The following BDP1 variants were observed in gnomAD, a reference collection of about 807,000 sequenced individuals.
The protein encoded by BDP1 is transcription factor TFIIIB component B'' homolog.
Under a neutral mutation model 266.6 loss-of-function variants are expected in BDP1, and 169 were observed. That is an observed-to-expected ratio of 0.63 (90% CI 0.56 to 0.72). The LOEUF is 0.72. Ranked by LOEUF, BDP1 falls within the 30% of genes least tolerant of loss-of-function variation. The pLI, the probability that BDP1 is intolerant of heterozygous loss-of-function variation, is 0.00. For missense variants in BDP1, 3,015 were observed against 3,053.8 expected (o/e 0.99, Z 0.30); for synonymous variants, 1,090 against 1,022.4 (o/e 1.07, Z -1.26).
rs1307806434 is a variant in BDP1 at position 71,532,369 on chromosome 5, C to T, written c.5834C>T (p.Pro1945Leu). 1.2e-6 allele frequency: 2 copies of T among 1,613,174 alleles called. No homozygotes were observed. The highest frequency in any genetic ancestry group is 1.7e-5 in the Admixed American group (1 of 60,014). ...GCIAVVEHEL[P>L]NTDVTTEEMK... ...ATAGCTGTTGTTGAACATGAGCTACCAAACACAGATGTGACTACTGAAGAA... is the reference window on the plus strand; with the variant it reads ...ATAGCTGTTGTTGAACATGAGCTACTAAACACAGATGTGACTACTGAAGAA... The change falls in exon 26 of 39, where the codon CCA (proline) becomes CTA (leucine). Residue 1945 changes from proline (P) to leucine (L), a missense_variant. Around this residue, in one of 3 missense-constraint regions of BDP1, gnomAD observed 2,383 missense variants for 2,404.9 expected, o/e 0.99. Transcript: ENST00000358731.
At chr5:71,576,352 C>A in the BDP1 span, among the ~76,000 whole-genome samples, 1 of 152,122 alleles carries the variant, frequency 6.6e-6, no homozygotes, top group Non-Finnish European at 1.5e-5. Context: ...TTAATTATAC[C>A]GCTCCATTGG....
intron 34 of BDP1, among the ~76,000 whole-genome samples, chr5:71,551,721 G>T (rs1317754562): frequency 6.6e-6 from 1 of 150,514 alleles, no homozygotes; most frequent in Admixed American, 6.6e-5. Context: ...CAGCAGGGGC[G>T]GCCGGGCAGA....
chr5:71,481,391 G>GAAAAAAAAAAAAAAAAAAAAAAAAAAA (rs58798987), intron 7 of BDP1, among the ~76,000 whole-genome samples: 2 of 63,844 alleles, frequency 3.1e-5, no homozygotes, highest in Non-Finnish European at 5.4e-5. Flanking sequence ...TCTCTACAAA[G>GAAAAAAAAAAAAAAAAAAAAAAAAAAA]AAAAAAAAAA....
chr5:71,547,672 C>G (rs1299686751), intron 32 of BDP1, among the ~76,000 whole-genome samples: 1 of 152,166 alleles, frequency 6.6e-6, no homozygotes, highest in African/African-American at 2.4e-5. Flanking sequence ...TTAAGCAGGC[C>G]AGGCGCAGTG....
At chr5:71,576,577 C>T in the BDP1 span, among the ~76,000 whole-genome samples, 9 of 152,174 alleles carry the variant, frequency 5.9e-5, no homozygotes, top group African/African-American at 1.9e-4. Context: ...GTTCCTACCC[C>T]CCTCCATAGA....
At chr5:71,539,406 T>G (rs1766820754) in intron 27 of BDP1, 151 bp from the exon 28 acceptor site, 2 of 622,720 alleles carry the variant, frequency 3.2e-6, no homozygotes, top group Non-Finnish European at 5.5e-6. Context: ...GCATATAACC[T>G]GAACAAAAGA....
At chr5:71,550,436 G>A (rs1218325800) in intron 34 of BDP1, among the ~76,000 whole-genome samples, 7 of 149,572 alleles carry the variant, frequency 4.7e-5, no homozygotes, top group African/African-American at 1.2e-4. Context: ...CTACAGGTGC[G>A]CACCACTGTG....
At chr5:71,575,350 G>A in the BDP1 span, among the ~76,000 whole-genome samples, 1 of 152,178 alleles carries the variant, frequency 6.6e-6, no homozygotes, top group East Asian at 1.9e-4. Context: ...CCATTAGAAT[G>A]GCTCAGTGAC....
rs768397985 is a variant in BDP1, at chr5:71,510,580, T to A, written c.3488T>A (p.Val1163Asp). ...CCAGAGGAAAATGGCCCAGAGGAGG[T>A]CAAGCCTGTAGATGAAATGGAGACA... Reference protein sequence around the residue: ...ISPEENGPEEVKPVDEMETDL... With the variant: ...ISPEENGPEEDKPVDEMETDL... The change falls in exon 17 of 39, where the codon GTC becomes GAC. Residue 1163 changes from valine (V) to aspartate (D), a missense_variant. Coordinates refer to ENST00000358731, the MANE Select transcript of BDP1 (RefSeq NM_018429.3). 1.9e-6 allele frequency: 3 copies of A among 1,611,694 alleles called. No individual in the cohort carries two copies. Among genetic ancestry groups the A allele is most frequent in the Non-Finnish European group, 2.5e-6 (3 of 1,179,340 alleles).
At chr5:71,568,974 T>A (rs1004102056), downstream of BDP1, among the ~76,000 whole-genome samples, 12 of 152,198 alleles carry the variant, frequency 7.9e-5, no homozygotes, top group Admixed American at 7.2e-4. Context: ...AAATGTTGCA[T>A]TTTTTTCATG....
intron 13 of BDP1, among the ~76,000 whole-genome samples, chr5:71,500,359 CTT>C (rs1764160173): frequency 1.5e-5 from 1 of 65,840 alleles, no homozygotes; most frequent in African/African-American, 7.9e-5. Context: ...TAGTTTCACT[CTT>C]GTTGCCCCAG....
chr5:71,544,512 A>AG lies in BDP1; in HGVS notation c.6563+5_6563+6insG, dbSNP rs1390186461. 2 of 1,605,532 alleles carry AG rather than the reference A, an allele frequency of 1.2e-6. No individual in the cohort carries two copies. Among genetic ancestry groups the AG allele is most frequent in the Non-Finnish European group, 1.7e-6 (2 of 1,177,522 alleles). On this transcript the variant is annotated splice_donor_region_variant and intron_variant, in intron 31 of 38. Transcript: ENST00000358731. ...AGAAGTAAACCTAACTGAAAGGTAA[A>AG]AGAGTGAAGAGGTTCTGAGATTCAG...
intron 30 of BDP1, among the ~76,000 whole-genome samples, chr5:71,543,510 A>G (rs989725438): frequency 2.0e-5 from 3 of 152,200 alleles, no homozygotes; most frequent in African/African-American, 7.2e-5. Flanking sequence ...TGAGCTCGCC[A>G]GATCAAGGCT....
At chr5:71,498,874 C>T (rs1411547236) in intron 13 of BDP1, among the ~76,000 whole-genome samples, 1 of 152,030 alleles carries the variant, frequency 6.6e-6, no homozygotes, top group Non-Finnish European at 1.5e-5. Flanking sequence ...CAGGCATGCA[C>T]CACCACGCCC....
At chr5:71,554,766 A>AT (rs35079231) in intron 35 of BDP1, among the ~76,000 whole-genome samples, 67,595 of 151,976 alleles carry the variant, frequency 0.44, 15,438 homozygotes, top group South Asian at 0.55. Flanking sequence ...CATTTTAACA[A>AT]TTTTTTAAAA....
chr5:71,573,506 G>T, the BDP1 span, among the ~76,000 whole-genome samples: 1 of 152,214 alleles, frequency 6.6e-6, no homozygotes, highest in Non-Finnish European at 1.5e-5. Context: ...GGAATTAAAA[G>T]TGAGTGTGGT....
At chr5:71,531,724 G>A (rs182011769) in intron 25 of BDP1, among the ~76,000 whole-genome samples, 2 of 152,194 alleles carry the variant, frequency 1.3e-5, no homozygotes, top group East Asian at 3.9e-4. Flanking sequence ...GGCCAGGCTG[G>A]TCTTGAACTC....
chr5:71,476,820 C>CA (rs897210030), intron 7 of BDP1, among the ~76,000 whole-genome samples: 25 of 152,306 alleles, frequency 1.6e-4, no homozygotes, highest in African/African-American at 6.0e-4. Flanking sequence ...TCTCCTGCCT[C>CA]AGCCTTCCGA....
At chr5:71,502,360 A>T (rs1285295669) in intron 14 of BDP1, among the ~76,000 whole-genome samples, 1 of 151,882 alleles carries the variant, frequency 6.6e-6, no homozygotes, top group Non-Finnish European at 1.5e-5. Context: ...TTTTTAGTAG[A>T]GACAGGTTTA....
Sources: allele counts gnomAD v4.1 joint callset (sites outside exome capture counted in the v4.1 genomes callset), GRCh38; gene constraint gnomAD v4.1.1; regional missense constraint gnomAD v4.1.1; transcripts MANE v1.5; gene names NCBI Gene and HGNC (gene_info 2026-07-23, HGNC 2026-07-21).